PREX2: variants seen among roughly 807,000 people sequenced by gnomAD.
PREX2 encodes the protein phosphatidylinositol-3,4,5-trisphosphate dependent Rac exchange factor 2.
Under a neutral mutation model 203.2 loss-of-function variants are expected in PREX2, and 107 were observed. That is an observed-to-expected ratio of 0.53 (90% CI 0.45 to 0.62). The LOEUF (loss-of-function observed/expected upper bound fraction) is 0.62, where lower values mean the gene tolerates loss of function less well. Among genes scored for constraint, PREX2 ranks in the 20% least tolerant of loss-of-function variants. PREX2 has a pLI of 0.00. For missense variants in PREX2, 1,777 were observed against 1,955.9 expected (o/e 0.91, Z 1.72); for synonymous variants, 672 against 663.6 (o/e 1.01, Z -0.19).
chr8:68,055,954 C>A lies in PREX2; in HGVS notation c.1218C>A (p.Phe406Leu). The change falls in exon 10 of 40, where the codon TTC (phenylalanine) becomes TTA (leucine). Residue 406 changes from phenylalanine (F) to leucine (L), a missense_variant. Physicochemically the swap from Phe to Leu is conservative, Grantham distance 22. Transcript: ENST00000288368. ...ACCGAAAGAGAAAACTGACTACGTTCCCTAAATGCTTTCTTGGAAGGTAGG... is the reference window on the plus strand; with the variant it reads ...ACCGAAAGAGAAAACTGACTACGTTACCTAAATGCTTTCTTGGAAGGTAGG... The part of the protein sequence containing the change: ...IKDRKRKLTT[F>L]PKCFLGSEFV... 9 of 1,610,966 alleles carry A rather than the reference C, an allele frequency of 5.6e-6. No homozygotes were observed. The highest frequency in any genetic ancestry group is 7.6e-6 in the Non-Finnish European group (9 of 1,179,140).
intron 23 of PREX2, chr8:68,102,967 C>G (rs1194125732): frequency 9.7e-6 from 5 of 516,458 alleles, no homozygotes; most frequent in South Asian, 5.6e-5. Flanking sequence ...GGAACACTTT[C>G]TCCTTAAATT....
rs1808667096 is a variant in PREX2 at position 68,055,979 on chromosome 8, G to C, written c.1238+5G>C. Reference sequence around the variant, plus strand: ...CCCTAAATGCTTTCTTGGAAGGTAGGGTTGGGAGTTTGGGTGCATGACTTT... The same window carrying C: ...CCCTAAATGCTTTCTTGGAAGGTAGCGTTGGGAGTTTGGGTGCATGACTTT... On this transcript the variant is annotated splice_donor_5th_base_variant and intron_variant, in intron 10 of 39. Coordinates refer to ENST00000288368, the MANE Select transcript of PREX2 (RefSeq NM_024870.4). The C allele has an allele frequency of 3.7e-6, 6 of 1,604,970 alleles. No homozygotes were observed. The highest frequency in any genetic ancestry group is 1.4e-5 in the African/African-American group (1 of 73,816).
At chr8:68,129,831 T>C (rs976102627) in intron 31 of PREX2, among the ~76,000 whole-genome samples, 1 of 151,400 alleles carries the variant, frequency 6.6e-6, no homozygotes, top group Non-Finnish European at 1.5e-5. Flanking sequence ...ATAAGAAAAA[T>C]ATTACTCTAT....
At chr8:68,110,950 G>C (rs1299871915) in intron 25 of PREX2, 2 of 433,950 alleles carry the variant, frequency 4.6e-6, no homozygotes, top group Non-Finnish European at 9.2e-6. Flanking sequence ...AACCGTTCAA[G>C]ATTGCTAAGA....
intron 38 of PREX2, among the ~76,000 whole-genome samples, chr8:68,221,143 C>A (rs1269539619): frequency 6.6e-6 from 1 of 152,152 alleles, no homozygotes; most frequent in Non-Finnish European, 1.5e-5. Context: ...AGTGTTAATT[C>A]ACTTAGGATA....
At chr8:68,210,469 C>G (rs1812721870) in intron 37 of PREX2, among the ~76,000 whole-genome samples, 1 of 152,170 alleles carries the variant, frequency 6.6e-6, no homozygotes, top group Non-Finnish European at 1.5e-5. Flanking sequence ...GTGTTCCTGA[C>G]AGTGGGCATG....
At chr8:67,992,821 C>CCAAG (rs1440185679) in intron 1 of PREX2, among the ~76,000 whole-genome samples, 2 of 152,106 alleles carry the variant, frequency 1.3e-5, no homozygotes, top group East Asian at 3.9e-4. Flanking sequence ...GTTAGAGGAA[C>CCAAG]CAAGCTTTGT....
intron 35 of PREX2, among the ~76,000 whole-genome samples, chr8:68,166,792 C>T (rs1387890889): frequency 1.3e-5 from 2 of 151,948 alleles, no homozygotes; most frequent in African/African-American, 4.8e-5. Context: ...AATAGAGAGA[C>T]CCTGTCTCTA....
intron 37 of PREX2, among the ~76,000 whole-genome samples, chr8:68,202,287 C>A (rs1156986437): frequency 1.3e-5 from 2 of 152,030 alleles, no homozygotes; most frequent in Non-Finnish European, 2.9e-5. Context: ...CACAGGAAAT[C>A]CTGTGCTCTT....
At chr8:68,171,070 G>T (rs1396100279) in intron 35 of PREX2, among the ~76,000 whole-genome samples, 1 of 152,136 alleles carries the variant, frequency 6.6e-6, no homozygotes, top group Non-Finnish European at 1.5e-5. Context: ...ATCAAAAAGA[G>T]AAACAAGTTA....
chr8:68,155,915 A>G (rs562689900), intron 34 of PREX2, among the ~76,000 whole-genome samples: 11 of 152,226 alleles, frequency 7.2e-5, no homozygotes, highest in Middle Eastern at 3.2e-3. Context: ...TTATAACTAA[A>G]TTGACAATTT....
intron 37 of PREX2, among the ~76,000 whole-genome samples, chr8:68,205,765 A>C (rs1356728906): frequency 6.6e-6 from 1 of 152,242 alleles, no homozygotes; most frequent in Non-Finnish European, 1.5e-5. Flanking sequence ...ACAGGAATGA[A>C]CACACTTTAC....
intron 37 of PREX2, among the ~76,000 whole-genome samples, chr8:68,196,742 C>T (rs1473415171): frequency 1.3e-5 from 2 of 151,668 alleles, no homozygotes; most frequent in African/African-American, 4.9e-5. Flanking sequence ...CCAACTCTCT[C>T]TTCCTCCTGC....
At chr8:68,220,728 C>T (rs139942936) in intron 38 of PREX2, among the ~76,000 whole-genome samples, 1 of 152,238 alleles carries the variant, frequency 6.6e-6, no homozygotes, top group Non-Finnish European at 1.5e-5. Context: ...TTTTGTATCA[C>T]AGTTTCCCAA....
chr8:67,986,923 C>T (rs192776309), intron 1 of PREX2, among the ~76,000 whole-genome samples: 6 of 152,062 alleles, frequency 3.9e-5, no homozygotes, highest in Non-Finnish European at 7.4e-5. Context: ...CCTAGCACTT[C>T]GGGAGACTGA....
rs750664780 is a variant in PREX2, at chr8:68,080,826, A to C, written c.1866A>C (p.Gly622=). 43 of 1,489,074 alleles carry C rather than the reference A, an allele frequency of 2.9e-5. 1 individual carries two copies. In the South Asian group the frequency reaches 4.8e-4, roughly 17 times the overall value. The allele number at this position is 1,489,074 out of a possible 1,614,324, so 92.2% of individuals were successfully genotyped here. ...KVPIIKLVEK[G]SNAEMAGMEV... ...CAATAATAAAGTTGGTAGAAAAGGGATCTAATGCTGAGGTAATGTAAATTA... is the reference window on the plus strand; with the variant it reads ...CAATAATAAAGTTGGTAGAAAAGGGCTCTAATGCTGAGGTAATGTAAATTA... The change falls in exon 17 of 40, where the codon GGA becomes GGC. Residue 622 remains glycine (G), a synonymous_variant. Coordinates refer to ENST00000288368, the MANE Select transcript of PREX2 (RefSeq NM_024870.4).
intron 38 of PREX2, among the ~76,000 whole-genome samples, chr8:68,220,569 A>T (rs374769177): frequency 6.6e-6 from 1 of 152,144 alleles, no homozygotes; most frequent in East Asian, 1.9e-4. Flanking sequence ...GCCTTATCTC[A>T]TGGTGGACAC....
intron 30 of PREX2, among the ~76,000 whole-genome samples, chr8:68,122,142 A>C (rs932986407): frequency 6.6e-6 from 1 of 152,094 alleles, no homozygotes; most frequent in Non-Finnish European, 1.5e-5. Context: ...TTCAACTTCC[A>C]CATTTATTAA....
chr8:68,139,650 A>C (rs1041719002), intron 33 of PREX2, among the ~76,000 whole-genome samples: 9 of 152,150 alleles, frequency 5.9e-5, no homozygotes, highest in African/African-American at 2.2e-4. Flanking sequence ...CAGGTGGGAG[A>C]GGATGGTGAC....
Sources: gnomAD v4.1 joint callset for allele counts (sites outside exome capture counted in the v4.1 genomes callset) on GRCh38, gnomAD v4.1.1 for gene constraint, MANE v1.5 for transcripts, NCBI Gene and HGNC (gene_info 2026-07-23, HGNC 2026-07-21) for gene names.